The following RBFOX1 variants were observed in gnomAD, a reference collection of about 807,000 sequenced individuals.
RBFOX1 encodes the protein RNA binding fox-1 homolog 1.
In RBFOX1, 8 loss-of-function variants were observed where a neutral mutation model predicts 57.7. The observed-to-expected ratio is 0.14, with a 90% confidence interval of 0.08 to 0.25. The LOEUF is 0.25. Among genes scored for constraint, RBFOX1 ranks in the 10% least tolerant of loss-of-function variants. The pLI is 1.00. For synonymous variants in RBFOX1, 326 were observed against 222.4 expected, an observed-to-expected ratio of 1.47 and a Z score of -4.15; for missense variants, 611 against 548.5, an observed-to-expected ratio of 1.11 and a Z score of -1.14.
At chr16:6,917,499 G>C (rs2153447547) in intron 3 of RBFOX1, among the ~76,000 whole-genome samples, 1 of 152,304 alleles carries the variant, frequency 6.6e-6, no homozygotes, top group East Asian at 1.9e-4. Context: ...GAAAGGAAGA[G>C]AGTTGGTAGA....
intron 2 of RBFOX1, among the ~76,000 whole-genome samples, chr16:6,353,754 C>T (rs979737992): frequency 4.6e-5 from 7 of 152,082 alleles, no homozygotes; most frequent in Non-Finnish European, 5.9e-5. Context: ...TTCATGCAAG[C>T]GAACGGTGAG....
At chr16:6,552,711 T>C (rs996961171) in intron 2 of RBFOX1, among the ~76,000 whole-genome samples, 2 of 152,142 alleles carry the variant, frequency 1.3e-5, no homozygotes, top group African/African-American at 4.8e-5. Context: ...TTATGTGATA[T>C]ACACATACAT....
intron 2 of RBFOX1, among the ~76,000 whole-genome samples, chr16:5,564,910 G>A (rs1429658711): frequency 6.6e-6 from 1 of 152,092 alleles, no homozygotes; most frequent in Non-Finnish European, 1.5e-5. Flanking sequence ...GATGCCGGTG[G>A]AACACACCTC....
At chr16:5,335,850 G>C (rs1041964268) in intron 1 of RBFOX1, among the ~76,000 whole-genome samples, 8 of 152,116 alleles carry the variant, frequency 5.3e-5, no homozygotes, top group Non-Finnish European at 7.4e-5. Context: ...GATGTTCTCA[G>C]ACTGCCGACT....
At chr16:5,727,839 C>T (rs796274106) in intron 3 of RBFOX1, among the ~76,000 whole-genome samples, 2 of 152,264 alleles carry the variant, frequency 1.3e-5, no homozygotes, top group African/African-American at 4.8e-5. Context: ...AGGTGTGCGC[C>T]ACCATGCCCA....
intron 1 of RBFOX1, among the ~76,000 whole-genome samples, chr16:5,253,404 G>A (rs570286703): frequency 1.1e-4 from 17 of 152,138 alleles, no homozygotes; most frequent in African/African-American, 3.6e-4. Flanking sequence ...CACCCACCTC[G>A]GCCTCCCAAA....
intron 4 of RBFOX1, among the ~76,000 whole-genome samples, chr16:5,981,026 G>A (rs1372226293): frequency 1.3e-5 from 2 of 152,162 alleles, no homozygotes; most frequent in African/African-American, 2.4e-5. Context: ...CGGAAAATGC[G>A]CATCAGACTC....
intron 3 of RBFOX1, among the ~76,000 whole-genome samples, chr16:6,817,165 C>A (rs1281666140): frequency 1.3e-5 from 2 of 152,130 alleles, no homozygotes; most frequent in African/African-American, 4.8e-5. Context: ...AGGCTGATCC[C>A]TTGACTGGAC....
intron 4 of RBFOX1, among the ~76,000 whole-genome samples, chr16:5,945,708 A>G (rs1057447703): frequency 1.3e-5 from 2 of 152,216 alleles, no homozygotes; most frequent in African/African-American, 4.8e-5. Flanking sequence ...TTCCTCAGGT[A>G]GAATCTGCAA....
At chr16:6,982,196 C>T (rs1463133652) in intron 3 of RBFOX1, among the ~76,000 whole-genome samples, 3 of 152,232 alleles carry the variant, frequency 2.0e-5, no homozygotes, top group African/African-American at 7.2e-5. Context: ...TTTGAGAAAC[C>T]TGAGAATGGT....
At chr16:6,015,903 G>C (rs1195751160), upstream of RBFOX1, among the ~76,000 whole-genome samples, 1 of 152,188 alleles carries the variant, frequency 6.6e-6, no homozygotes, top group Non-Finnish European at 1.5e-5. Context: ...TGCAGAAATT[G>C]AGTCTAGTTT....
At chr16:7,086,721 T>TACACACACACACACACACACAGACAC (rs71280731) in intron 4 of RBFOX1, among the ~76,000 whole-genome samples, 38 of 149,582 alleles carry the variant, frequency 2.5e-4, no homozygotes, top group Non-Finnish European at 4.6e-4. Context: ...GAAGAATGTA[T>TACACACACACACACACACACAGACAC]ACACACACAC....
At chr16:7,603,439 A>G (rs909572717) in intron 9 of RBFOX1, among the ~76,000 whole-genome samples, 3 of 152,236 alleles carry the variant, frequency 2.0e-5, no homozygotes, top group African/African-American at 7.2e-5. Context: ...AAGCAAAGAA[A>G]GAAAGAAGCT....
rs958368104 is a variant in RBFOX1 at position 6,643,247 on chromosome 16, G to T, written c.-63-11356G>T. Among the ~76,000 whole-genome samples the T allele has an allele frequency of 1.3e-4, 20 of 152,292 alleles. 2 individuals are homozygous for T. The highest frequency in any genetic ancestry group is 5.9e-4 in the Admixed American group (9 of 15,294). ...TCTTGCATAGGACTTGGTGCTTTCG[G>T]TATTTTTTGCAAAGTTATTTGCTCC... On this transcript the variant is annotated intron_variant, in intron 2 of 15. Coordinates refer to ENST00000550418, the MANE Select transcript of RBFOX1 (RefSeq NM_018723.4).
intron 3 of RBFOX1, among the ~76,000 whole-genome samples, chr16:6,772,677 A>C (rs115351004): frequency 0.021 from 2,795 of 131,032 alleles, 56 homozygotes; most frequent in African/African-American, 0.07. Context: ...CTTTGAGTGC[A>C]TTTGTGTGTG....
At chr16:7,004,714 T>G (rs1204316848) in intron 3 of RBFOX1, among the ~76,000 whole-genome samples, 1 of 152,186 alleles carries the variant, frequency 6.6e-6, no homozygotes, top group Non-Finnish European at 1.5e-5. Flanking sequence ...GGAAGATGTA[T>G]GGTGAGCTGG....
intron 4 of RBFOX1, among the ~76,000 whole-genome samples, chr16:7,225,072 C>G (rs575632620): frequency 1.3e-5 from 2 of 152,174 alleles, no homozygotes; most frequent in East Asian, 1.9e-4. Context: ...GTTTAAAACA[C>G]TAAGTGTAGT....
intron 1 of RBFOX1, among the ~76,000 whole-genome samples, chr16:5,259,851 C>A (rs180691164): frequency 2.0e-5 from 3 of 152,154 alleles, no homozygotes; most frequent in African/African-American, 7.2e-5. Context: ...TGTTTAACAC[C>A]ACGTGGGGGC....
chr16:5,967,188 A>G (rs2152294697), intron 4 of RBFOX1, among the ~76,000 whole-genome samples: 1 of 152,288 alleles, frequency 6.6e-6, no homozygotes, highest in African/African-American at 2.4e-5. Flanking sequence ...TTGACCTTTT[A>G]CAAAAACATT....
Sources: allele counts gnomAD v4.1 joint callset (sites outside exome capture counted in the v4.1 genomes callset), GRCh38; gene constraint gnomAD v4.1.1; transcripts MANE v1.5; gene names NCBI Gene and HGNC (gene_info 2026-07-23, HGNC 2026-07-21).